SLC24A2: variants seen among roughly 807,000 people sequenced by gnomAD.
SLC24A2 encodes the protein solute carrier family 24 member 2.
In SLC24A2, 36 loss-of-function variants were observed where a neutral mutation model predicts 62.0. That is an observed-to-expected ratio of 0.58 (90% confidence interval 0.44 to 0.77). The LOEUF (loss-of-function observed/expected upper bound fraction) is 0.77, where lower values mean the gene tolerates loss of function less well. Ranked by LOEUF, SLC24A2 falls within the 30% of genes least tolerant of loss-of-function variation. The pLI is 0.00. For synonymous variants in SLC24A2, 358 were observed against 294.0 expected (o/e 1.22, Z -2.23); for missense variants, 846 against 817.9 (o/e 1.03, Z -0.42).
At chr9:20,033,435 A>C in the SLC24A2 span, among the ~76,000 whole-genome samples, 1 of 151,982 alleles carries the variant, frequency 6.6e-6, no homozygotes, top group Non-Finnish European at 1.5e-5. Context: ...TGAAAAAATG[A>C]ATTGGAAAAT....
chr9:20,128,326 G>C, the SLC24A2 span, among the ~76,000 whole-genome samples: 1 of 152,078 alleles, frequency 6.6e-6, no homozygotes, highest in Admixed American at 6.6e-5. Context: ...CACAGGCCCT[G>C]AGAGAAACAT....
intron 2 of SLC24A2, among the ~76,000 whole-genome samples, chr9:19,780,347 A>C (rs1326579057): frequency 1.3e-5 from 2 of 150,490 alleles, no homozygotes; most frequent in African/African-American, 4.9e-5. Context: ...GGCTCACTGC[A>C]ATCTCTGAAG....
At chr9:20,244,594 T>G in the SLC24A2 span, among the ~76,000 whole-genome samples, 1 of 152,256 alleles carries the variant, frequency 6.6e-6, no homozygotes, top group South Asian at 2.1e-4. Context: ...AAAATCATTC[T>G]GCCTTCAAAG....
At chr9:19,807,825 A>G in the SLC24A2 span, among the ~76,000 whole-genome samples, 54 of 152,116 alleles carry the variant, frequency 3.5e-4, no homozygotes, top group African/African-American at 1.3e-3. Context: ...CTGATTCTTC[A>G]TTTGTTCAGG....
At chr9:19,705,086 C>T (rs1054512311) in intron 2 of SLC24A2, among the ~76,000 whole-genome samples, 10 of 152,050 alleles carry the variant, frequency 6.6e-5, no homozygotes, top group African/African-American at 2.2e-4. Context: ...TTGGGTGATC[C>T]CTTTGTTCTC....
chr9:20,290,632 C>G, the SLC24A2 span, among the ~76,000 whole-genome samples: 9 of 152,208 alleles, frequency 5.9e-5, no homozygotes, highest in Non-Finnish European at 1.3e-4. Flanking sequence ...GCAGCTCCTG[C>G]AGGTTTTTGC....
At chr9:19,656,808 C>T (rs1195507478) in intron 2 of SLC24A2, among the ~76,000 whole-genome samples, 4 of 152,182 alleles carry the variant, frequency 2.6e-5, no homozygotes, top group Non-Finnish European at 5.9e-5. Context: ...TTCTCTTTTG[C>T]CTCCTGCTTC....
rs1161980080 is a variant in SLC24A2, at chr9:19,599,473, T to G, written c.1079-2194A>C. Among the ~76,000 whole-genome samples the G allele has an allele frequency of 6.6e-6, 1 of 152,160 alleles. No homozygotes were observed. The highest frequency in any genetic ancestry group is 2.4e-5 in the African/African-American group (1 of 41,444). On this transcript the variant is annotated intron_variant, in intron 4 of 10. Coordinates refer to ENST00000341998, the MANE Select transcript of SLC24A2 (RefSeq NM_020344.4). This position sits in a 1 kb window ranked among gnomAD's most constrained non-coding sequence, Gnocchi z 4.5. Reference sequence around the variant, plus strand: ...GAGGAAGCAGTGGAAGGGAATGGTATCTGCCCAAACAAAGAGAACCATGTT... The same window carrying G: ...GAGGAAGCAGTGGAAGGGAATGGTAGCTGCCCAAACAAAGAGAACCATGTT...
the SLC24A2 span, among the ~76,000 whole-genome samples, chr9:19,866,356 T>C: frequency 1.3e-5 from 2 of 152,132 alleles, no homozygotes; most frequent in East Asian, 3.8e-4. Context: ...TGAGTATATA[T>C]CCCAAAGAAA....
chr9:19,553,848 C>T (rs2132762822), intron 7 of SLC24A2, among the ~76,000 whole-genome samples: 1 of 152,328 alleles, frequency 6.6e-6, no homozygotes, highest in African/African-American at 2.4e-5. Flanking sequence ...TATCCAGTTA[C>T]AGGGCTGCTG....
the SLC24A2 span, among the ~76,000 whole-genome samples, chr9:20,090,712 A>C: frequency 5.1e-3 from 780 of 152,308 alleles, 5 homozygotes; most frequent in African/African-American, 0.017. Flanking sequence ...GACTATACTT[A>C]ATCTATATTG....
At chr9:20,152,996 A>G in the SLC24A2 span, among the ~76,000 whole-genome samples, 1 of 152,016 alleles carries the variant, frequency 6.6e-6, no homozygotes, top group Admixed American at 6.6e-5. Flanking sequence ...CAGAGGGGAA[A>G]GGCAGAAAGA....
At chr9:19,604,705 G>A (rs1246440754) in intron 4 of SLC24A2, among the ~76,000 whole-genome samples, 1 of 151,962 alleles carries the variant, frequency 6.6e-6, no homozygotes, top group Non-Finnish European at 1.5e-5. Flanking sequence ...AAATATGAGA[G>A]GGCAAGGGAA....
chr9:20,086,689 G>C, the SLC24A2 span, among the ~76,000 whole-genome samples: 2 of 152,144 alleles, frequency 1.3e-5, no homozygotes, highest in East Asian at 3.8e-4. Flanking sequence ...TTGCTCCTCT[G>C]TTGCCTCTTT....
At chr9:19,904,706 G>GT in the SLC24A2 span, among the ~76,000 whole-genome samples, 3 of 152,174 alleles carry the variant, frequency 2.0e-5, no homozygotes, top group Admixed American at 2.0e-4. Flanking sequence ...CTCATTTGCT[G>GT]TTTCATATTC....
the SLC24A2 span, among the ~76,000 whole-genome samples, chr9:19,918,321 T>G: frequency 1.3e-5 from 2 of 151,376 alleles, no homozygotes; most frequent in African/African-American, 4.9e-5. Flanking sequence ...TATGAAAGAC[T>G]GGCCTGGCAT....
At chr9:19,533,446 G>A (rs1833802739) in intron 8 of SLC24A2, among the ~76,000 whole-genome samples, 1 of 152,188 alleles carries the variant, frequency 6.6e-6, no homozygotes. Context: ...AATCTGGGCT[G>A]GCCTTATGAC....
the SLC24A2 span, among the ~76,000 whole-genome samples, chr9:20,043,529 A>G: frequency 1.3e-5 from 2 of 152,230 alleles, no homozygotes; most frequent in African/African-American, 4.8e-5. Flanking sequence ...TCATACCAGG[A>G]GATCAAAACA....
the SLC24A2 span, among the ~76,000 whole-genome samples, chr9:20,236,956 A>G: frequency 2.6e-5 from 4 of 151,858 alleles, no homozygotes; most frequent in South Asian, 4.2e-4. Flanking sequence ...ACCCAGATCA[A>G]TGAAGGATGG....
Sources: allele counts gnomAD v4.1 joint callset (sites outside exome capture counted in the v4.1 genomes callset), GRCh38; gene constraint gnomAD v4.1.1; non-coding constraint Gnocchi (gnomAD v3.1); transcripts MANE v1.5; gene names NCBI Gene and HGNC (gene_info 2026-07-23, HGNC 2026-07-21).